MITF: variants seen among roughly 807,000 people sequenced by gnomAD.
MITF encodes the protein melanocyte inducing transcription factor, also known as microphthalmia-associated transcription factor.
In MITF, 17 loss-of-function variants were observed where a neutral mutation model predicts 60.5. The ratio of observed to expected loss-of-function variants is 0.28; its 90% CI spans 0.19 to 0.42. The LOEUF (loss-of-function observed/expected upper bound fraction) is 0.42, where lower values mean the gene tolerates loss of function less well. MITF is among the 10% of genes least tolerant of loss of function. The pLI, the probability that MITF is intolerant of heterozygous loss-of-function variation, is 1.00. For missense variants in MITF, 622 were observed against 683.5 expected, an observed-to-expected ratio of 0.91 and a Z score of 1.00; for synonymous variants, 260 against 248.5, an observed-to-expected ratio of 1.05 and a Z score of -0.43.
At chr3:69,820,890 A>G (rs561843060) in intron 1 of MITF, among the ~76,000 whole-genome samples, 7 of 151,746 alleles carry the variant, frequency 4.6e-5, no homozygotes, top group African/African-American at 1.5e-4. Context: ...TACACATTCA[A>G]TAAAATGTCT....
chr3:69,813,121 T>A (rs2063126752), intron 1 of MITF, among the ~76,000 whole-genome samples: 1 of 152,188 alleles, frequency 6.6e-6, no homozygotes, highest in South Asian at 2.1e-4. Context: ...AAAATTGGCC[T>A]GGCAGTGAAC....
intron 2 of MITF, among the ~76,000 whole-genome samples, chr3:69,906,399 G>C (rs1172171756): frequency 6.6e-6 from 1 of 151,974 alleles, no homozygotes; most frequent in African/African-American, 2.4e-5. Flanking sequence ...ATTGTTTTTT[G>C]TTGTTTTTTG....
chr3:69,843,238 A>AG (rs2063671819), intron 1 of MITF, among the ~76,000 whole-genome samples: 1 of 131,122 alleles, frequency 7.6e-6, no homozygotes, highest in South Asian at 2.8e-4. Flanking sequence ...CAACGAGGGA[A>AG]GAAGGGTATG....
At chr3:69,756,468 T>C (rs1431862723) in intron 1 of MITF, among the ~76,000 whole-genome samples, 1 of 152,098 alleles carries the variant, frequency 6.6e-6, no homozygotes, top group Admixed American at 6.6e-5. Flanking sequence ...TGAACTCATT[T>C]TTTTTTTATG....
intron 1 of MITF, among the ~76,000 whole-genome samples, chr3:69,809,166 G>T (rs1329105075): frequency 6.6e-6 from 1 of 152,240 alleles, no homozygotes; most frequent in South Asian, 2.1e-4. Flanking sequence ...TTACAGTTTT[G>T]TTGTGTCTGG....
At chr3:69,869,894 C>T (rs1369180395) in intron 1 of MITF, among the ~76,000 whole-genome samples, 3 of 152,034 alleles carry the variant, frequency 2.0e-5, no homozygotes, top group East Asian at 1.9e-4. Context: ...ATACCTCTCA[C>T]CCCATGTCCT....
At position 69,965,144 on chromosome 3, in the gene MITF, G is replaced by C. The variant is rs756044021; in HGVS notation, c.1477G>C (p.Val493Leu). 15 of 1,613,900 alleles carry C rather than the reference G, an allele frequency of 9.3e-6. No individual in the cohort carries two copies. Among genetic ancestry groups the C allele is most frequent in the Admixed American group, 1.7e-5 (1 of 59,994 alleles). Residue 493 changes from valine (V) to leucine (L), a missense_variant, in exon 10 of 10, where the codon GTC (valine) becomes CTC (leucine). Coordinates refer to ENST00000352241, the MANE Select transcript of MITF (RefSeq NM_001354604.2). ...CCTGATGGACGACACCCTTTCTCCC[G>C]TCGGTGTCACTGATCCACTCCTTTC... ...DILMDDTLSP[V>L]GVTDPLLSSV...
intron 1 of MITF, among the ~76,000 whole-genome samples, chr3:69,827,803 A>G (rs145983802): frequency 6.6e-6 from 1 of 152,122 alleles, no homozygotes; most frequent in South Asian, 2.1e-4. Flanking sequence ...TATACAGAAG[A>G]CCAAGGCTCC....
chr3:69,825,628 T>C (rs1217969387), intron 1 of MITF, among the ~76,000 whole-genome samples: 2 of 152,202 alleles, frequency 1.3e-5, no homozygotes, highest in Admixed American at 1.3e-4. Context: ...ATAGCAGTTG[T>C]TCTTTTCTTC....
chr3:69,942,164 A>G (rs1167640331), intron 5 of MITF, among the ~76,000 whole-genome samples: 1 of 152,136 alleles, frequency 6.6e-6, no homozygotes, highest in East Asian at 1.9e-4. Context: ...AAAGACCAAT[A>G]TTTATTGAGA....
chr3:69,928,616 G>A (rs2065646699), intron 2 of MITF, among the ~76,000 whole-genome samples: 1 of 152,186 alleles, frequency 6.6e-6, no homozygotes, highest in Non-Finnish European at 1.5e-5. Context: ...TGGCCCAGTA[G>A]GAGTGCAGTT....
intron 1 of MITF, among the ~76,000 whole-genome samples, chr3:69,807,669 T>C (rs1228207533): frequency 6.6e-6 from 1 of 152,244 alleles, no homozygotes; most frequent in Non-Finnish European, 1.5e-5. Flanking sequence ...ACTTCTATGG[T>C]GGATAAGCCA....
chr3:69,884,360 A>G (rs577420150), intron 2 of MITF, among the ~76,000 whole-genome samples: 25 of 152,304 alleles, frequency 1.6e-4, no homozygotes, highest in African/African-American at 5.5e-4. Context: ...TCAGGTAGAC[A>G]TAAACCCTTT....
chr3:69,920,753 G>A (rs140520679), intron 2 of MITF, among the ~76,000 whole-genome samples: 25 of 152,210 alleles, frequency 1.6e-4, no homozygotes, highest in African/African-American at 5.1e-4. Flanking sequence ...ACCGGTCTCC[G>A]CGCATTTGTG....
chr3:69,801,289 A>T lies in MITF; in HGVS notation c.104+61588A>T, dbSNP rs572018763. Among the ~76,000 whole-genome samples, 18 of 152,272 alleles carry T rather than the reference A, an allele frequency of 1.2e-4. 1 individual carries two copies. In the East Asian group the frequency reaches 2.5e-3, roughly 21 times the overall value. On this transcript the variant is annotated intron_variant, in intron 1 of 9. Coordinates refer to ENST00000352241, the MANE Select transcript of MITF (RefSeq NM_001354604.2). ...GATTCCCTCTCCTCCCATTCATTAG[A>T]TGTAATTTAGTACTGAAAAAAATAA...
chr3:69,820,119 G>A (rs1001366975), intron 1 of MITF, among the ~76,000 whole-genome samples: 18 of 152,174 alleles, frequency 1.2e-4, no homozygotes, highest in Non-Finnish European at 2.9e-5. Flanking sequence ...ATATGAAAAA[G>A]GAAAGTAAAA....
chr3:69,920,209 C>CA (rs2107425183), intron 2 of MITF, among the ~76,000 whole-genome samples: 1 of 152,252 alleles, frequency 6.6e-6, no homozygotes, highest in South Asian at 2.1e-4. Context: ...GCGGTGATGC[C>CA]AGCATCTGGG....
intron 1 of MITF, among the ~76,000 whole-genome samples, chr3:69,756,736 C>G (rs1348478653): frequency 6.6e-6 from 1 of 152,142 alleles, no homozygotes; most frequent in Admixed American, 6.5e-5. Flanking sequence ...GTTGAACTAA[C>G]TTGTACGCCT....
intron 1 of MITF, among the ~76,000 whole-genome samples, chr3:69,811,795 G>T (rs2063104526): frequency 6.6e-6 from 1 of 152,186 alleles, no homozygotes; most frequent in Admixed American, 6.5e-5. Flanking sequence ...TGTGTGATTT[G>T]AGGAAGACTG....
Sources: gnomAD v4.1 joint callset for allele counts (sites outside exome capture counted in the v4.1 genomes callset) on GRCh38, gnomAD v4.1.1 for gene constraint, MANE v1.5 for transcripts, NCBI Gene and HGNC (gene_info 2026-07-23, HGNC 2026-07-21) for gene names.